UROC1: variants seen among roughly 807,000 people sequenced by gnomAD.
UROC1 encodes urocanate hydratase.
Under a neutral mutation model 89.5 loss-of-function variants are expected in UROC1, and 79 were observed. That is an observed-to-expected ratio of 0.88 (90% CI 0.74 to 1.06). The LOEUF (loss-of-function observed/expected upper bound fraction) is 1.06. Among genes scored for constraint, UROC1 ranks in the 50% least tolerant of loss-of-function variants. The pLI is 0.00. For synonymous variants in UROC1, 361 were observed against 354.8 expected, an observed-to-expected ratio of 1.02 and a Z score of -0.20; for missense variants, 885 against 907.8, an observed-to-expected ratio of 0.97 and a Z score of 0.32.
Position 126,511,186 on chromosome 3 carries a change from G to C in UROC1, c.127-392C>G, listed in dbSNP as rs144017153. Among the ~76,000 whole-genome samples the C allele has an allele frequency of 2.4e-3, 360 of 152,212 alleles. 4 individuals carry two copies. Among genetic ancestry groups the C allele is most frequent in the African/African-American group, 8.3e-3 (345 of 41,530 alleles). ...CCCCACATGGCCTTAAGTACCCTGTGCAAGTGCAAGCACATATAAGAAAAA... is the reference window on the plus strand; with the variant it reads ...CCCCACATGGCCTTAAGTACCCTGTCCAAGTGCAAGCACATATAAGAAAAA... On this transcript the variant is annotated intron_variant, in intron 1 of 19. Coordinates refer to ENST00000290868, the MANE Select transcript of UROC1 (RefSeq NM_144639.3).
intron 18 of UROC1, 121 bp from the exon 19 acceptor site, chr3:126,483,589 G>T: frequency 1.1e-6 from 1 of 885,948 alleles, no homozygotes; most frequent in Non-Finnish European, 1.8e-6. Flanking sequence ...CCGCCACACC[G>T]CCAGCCTCTG....
At chr3:126,486,282 G>A (rs1576709436) in intron 18 of UROC1, among the ~76,000 whole-genome samples, 1 of 152,358 alleles carries the variant, frequency 6.6e-6, no homozygotes, top group East Asian at 1.9e-4. Context: ...GCACCAACAG[G>A]GAGGCCTCAC....
intron 9 of UROC1, among the ~76,000 whole-genome samples, 198 bp downstream of exon 9, chr3:126,503,797 C>CCG (rs1935990663): frequency 6.6e-6 from 1 of 152,226 alleles, no homozygotes; most frequent in African/African-American, 2.4e-5. Flanking sequence ...CTATCACCAC[C>CCG]CGCGGGTCAG....
chr3:126,507,793 TTGGGAATGACCTGGAGAAGAGGA>T lies in UROC1; in HGVS notation c.541-13_550del, dbSNP rs1314162109. The T allele has an allele frequency of 1.2e-6, 2 of 1,613,956 alleles. No individual in the cohort carries two copies. Among genetic ancestry groups the T allele is most frequent in the Non-Finnish European group, 1.7e-6 (2 of 1,180,026 alleles). On this transcript the variant is annotated splice_acceptor_variant and splice_polypyrimidine_tract_variant and coding_sequence_variant and intron_variant, in exon 6 of 20. Transcript: ENST00000290868. LOFTEE classifies it high-confidence loss of function. Reference sequence around the variant, plus strand: ...CTCATACTCCGTCCGGGAGGAGTAGTTGGGAATGACCTGGAGAAGAGGATGGGGGCAGACAGAGGGGCTGAGGG... The same window carrying T: ...CTCATACTCCGTCCGGGAGGAGTAGTTGGGGGCAGACAGAGGGGCTGAGGG...
At chr3:126,497,184 C>T (rs1008715048) in intron 14 of UROC1, among the ~76,000 whole-genome samples, 1 of 152,224 alleles carries the variant, frequency 6.6e-6, no homozygotes, top group African/African-American at 2.4e-5. Context: ...GCCCAGCCCA[C>T]CGAACATGGC....
At chr3:126,491,456 C>T (rs1415853279) in intron 16 of UROC1, among the ~76,000 whole-genome samples, 1 of 152,242 alleles carries the variant, frequency 6.6e-6, no homozygotes, top group African/African-American at 2.4e-5. Context: ...GGGGCGAGTG[C>T]GCCTGGAGCT....
At chr3:126,500,246 A>C (rs1310806255) in intron 11 of UROC1, 92 bp from the exon 12 acceptor site, 1 of 1,238,748 alleles carries the variant, frequency 8.1e-7, no homozygotes, top group Non-Finnish European at 1.2e-6. Context: ...GCTCCCCACC[A>C]ACTTCCAGCC....
rs1383277114 is a variant in UROC1, at chr3:126,482,065, C to G, written c.*280G>C. 3 of 502,626 alleles carry G rather than the reference C, an allele frequency of 6.0e-6. No individual in the cohort carries two copies. Among genetic ancestry groups the G allele is most frequent in the Admixed American group, 3.3e-5 (1 of 30,026 alleles). The allele number at this position is 502,626 out of a possible 1,614,324, so 31.1% of individuals were successfully genotyped here. A position where few individuals can be genotyped will look rare whatever the true frequency, so the allele number is the denominator to read the frequency against. On this transcript the variant is annotated 3_prime_UTR_variant, in exon 20 of 20. Transcript: ENST00000290868. Reference sequence around the variant, plus strand: ...TGACCAGTGTTCACCGCAGGGCCCCCGGGCAGGCTTGGGACTTGGCCCTAA... The same window carrying G: ...TGACCAGTGTTCACCGCAGGGCCCCGGGGCAGGCTTGGGACTTGGCCCTAA...
chr3:126,493,271 G>C (rs558398844), intron 15 of UROC1, among the ~76,000 whole-genome samples: 1 of 152,132 alleles, frequency 6.6e-6, no homozygotes, highest in Non-Finnish European at 1.5e-5. Flanking sequence ...ACTCTACAAC[G>C]GCCCCCGTGA....
Position 126,482,006 on chromosome 3 carries a change from G to C in UROC1, c.*339C>G. 1 of 343,392 alleles carries C rather than the reference G, an allele frequency of 2.9e-6. No individual in the cohort carries two copies. The highest frequency in any genetic ancestry group is 4.3e-5 in the Admixed American group (1 of 23,258). The allele number at this position is 343,392 out of a possible 1,614,324, so 21.3% of individuals were successfully genotyped here. A position where few individuals can be genotyped will look rare whatever the true frequency, so the allele number is the denominator to read the frequency against. ...ATGGAGGCTGGCAGGTGGCCAGGAA[G>C]CAGAGGGTGTGATCATCCCAGCCGG... On this transcript the variant is annotated 3_prime_UTR_variant, in exon 20 of 20. Coordinates refer to ENST00000290868, the MANE Select transcript of UROC1 (RefSeq NM_144639.3).
intron 1 of UROC1, among the ~76,000 whole-genome samples, chr3:126,514,316 C>T (rs1000433485): frequency 3.9e-5 from 6 of 152,160 alleles, no homozygotes; most frequent in East Asian, 1.9e-4. Context: ...CTGGCACAGG[C>T]GCTGTGGGTG....
intron 11 of UROC1, among the ~76,000 whole-genome samples, chr3:126,500,460 G>A (rs1337993234): frequency 2.0e-5 from 3 of 152,306 alleles, no homozygotes; most frequent in Admixed American, 6.5e-5. Context: ...TCTACTTGGC[G>A]CCATGCCGGG....
rs1935679421 is a variant in UROC1 at position 126,492,529 on chromosome 3, G to A, written c.1510-13C>T. The A allele has an allele frequency of 1.9e-6, 3 of 1,606,220 alleles. No individual in the cohort carries two copies. Among genetic ancestry groups the A allele is most frequent in the Non-Finnish European group, 2.5e-6 (3 of 1,177,016 alleles). ...GGGAGCCCACCACCTGAGGAGAGAA[G>A]GGCAACTGGCATCTCAGCCAACATA... On this transcript the variant is annotated splice_polypyrimidine_tract_variant and intron_variant, in intron 15 of 19. Transcript: ENST00000290868.
Position 126,500,711 on chromosome 3 carries a change from C to T in UROC1, c.1129G>A (p.Asp377Asn). 6.2e-7 allele frequency: 1 copy of T among 1,614,136 alleles called. No individual in the cohort carries two copies. The highest frequency in any genetic ancestry group is 8.5e-7 in the Non-Finnish European group (1 of 1,180,026). The change falls in exon 11 of 20, where the codon GAC (aspartate) becomes AAC (asparagine). Residue 377 changes from aspartate to asparagine, a missense_variant. By Grantham distance (23) the Asp-to-Asn change is conservative. Transcript: ENST00000290868. ...LMASNPAVFKDLVQESLRRQV... is the reference protein window; with the variant it reads ...LMASNPAVFKNLVQESLRRQV... ...AAGTAGCACCTTTCCTGGACCAGGT[C>T]CTTGAACACAGCAGGGTTGGAGGCC...
chr3:126,482,439 A>G lies in UROC1; in HGVS notation c.1937T>C (p.Ile646Thr). The change falls in exon 20 of 20, where the codon ATC becomes ACC. Residue 646 changes from isoleucine (I) to threonine (T), a missense_variant. By Grantham distance (89) the Ile-to-Thr change is moderately conservative. Transcript: ENST00000290868. ...GCTGTTCTCCTGCATGGTCTGGCAG[A>G]TGATCTCATAGGCCTTCTGGTTCCC... ...WSGNQKAYEI[I>T]CQTMQENSTL... 1 of 1,614,018 alleles carries G rather than the reference A, an allele frequency of 6.2e-7. No homozygotes were observed. The highest frequency in any genetic ancestry group is 1.1e-5 in the South Asian group (1 of 91,082).
chr3:126,499,536 A>T, intron 12 of UROC1, 127 bp from the exon 13 acceptor site: 1 of 985,550 alleles, frequency 1.0e-6, no homozygotes, highest in East Asian at 2.6e-5. Context: ...CATGTAAAAG[A>T]AGAGAAAAGC....
chr3:126,491,601 C>G (rs1257065831), intron 16 of UROC1, among the ~76,000 whole-genome samples: 1 of 152,222 alleles, frequency 6.6e-6, no homozygotes, highest in Non-Finnish European at 1.5e-5. Context: ...GTCTTCATAC[C>G]TCTGTCCCAA....
intron 15 of UROC1, among the ~76,000 whole-genome samples, chr3:126,493,441 G>A (rs898308600): frequency 6.6e-6 from 1 of 152,242 alleles, no homozygotes; most frequent in Non-Finnish European, 1.5e-5. Flanking sequence ...GCCTTAAAAG[G>A]AAGGAAATTC....
chr3:126,498,224 G>C, intron 13 of UROC1, 52 bp from the exon 14 acceptor site: 1 of 1,612,938 alleles, frequency 6.2e-7, no homozygotes, highest in Non-Finnish European at 8.5e-7. Context: ...GTTGGGGGAG[G>C]GGGTGCAGGT....
Sources: allele counts gnomAD v4.1 joint callset (sites outside exome capture counted in the v4.1 genomes callset), GRCh38; gene constraint gnomAD v4.1.1; transcripts MANE v1.5; gene names NCBI Gene and HGNC (gene_info 2026-07-23, HGNC 2026-07-21).